SLC12A8: variants seen among roughly 807,000 people sequenced by gnomAD.
SLC12A8 encodes the protein solute carrier family 12 member 8.
SLC12A8 carries 69 observed loss-of-function variants against 75.6 expected under a neutral mutation model. The observed-to-expected ratio is 0.91, with a 90% CI of 0.75 to 1.11. The LOEUF (loss-of-function observed/expected upper bound fraction) is 1.11, where lower values mean the gene tolerates loss of function less well. Among genes scored for constraint, SLC12A8 ranks in the 50% most tolerant of loss-of-function variants. The pLI is 0.00. For synonymous variants in SLC12A8, 365 were observed against 372.8 expected (o/e 0.98, Z 0.24); for missense variants, 877 against 896.7 (o/e 0.98, Z 0.28).
intron 5 of SLC12A8, among the ~76,000 whole-genome samples, chr3:125,166,647 C>T (rs1160097564): frequency 6.6e-6 from 1 of 152,218 alleles, no homozygotes; most frequent in Non-Finnish European, 1.5e-5. Flanking sequence ...GTGCAAACCC[C>T]TCTCACACCA....
chr3:125,107,010 T>C (rs1939043606), intron 10 of SLC12A8, among the ~76,000 whole-genome samples: 1 of 152,246 alleles, frequency 6.6e-6, no homozygotes, highest in African/African-American at 2.4e-5. Flanking sequence ...TGTGTATCTC[T>C]GTGTTTATAG....
chr3:125,124,329 T>C (rs1933142195), intron 6 of SLC12A8, among the ~76,000 whole-genome samples: 1 of 152,224 alleles, frequency 6.6e-6, no homozygotes, highest in South Asian at 2.1e-4. Flanking sequence ...TGTTTGTTTG[T>C]TTGGATTTTT....
At chr3:125,187,118 C>G (rs1353605030) in intron 4 of SLC12A8, 119 bp downstream of exon 4, 3 of 970,518 alleles carry the variant, frequency 3.1e-6, no homozygotes, top group Non-Finnish European at 4.7e-6. Context: ...CCAACCTGCT[C>G]GTCTGTCACA....
intron 2 of SLC12A8, among the ~76,000 whole-genome samples, chr3:125,200,978 C>A (rs995685836): frequency 2.6e-5 from 4 of 152,142 alleles, no homozygotes; most frequent in Admixed American, 2.6e-4. Context: ...TGTGATTTAC[C>A]GGATATCTGC....
At chr3:125,110,617 T>C in intron 8 of SLC12A8, 1 of 253,188 alleles carries the variant, frequency 3.9e-6, no homozygotes, top group Non-Finnish European at 7.6e-6. Context: ...GGGCCCCTCC[T>C]CAGAGTTCCT....
chr3:125,178,178 C>A (rs1934581312), intron 4 of SLC12A8, among the ~76,000 whole-genome samples: 1 of 152,104 alleles, frequency 6.6e-6, no homozygotes, highest in Admixed American at 6.5e-5. Context: ...GTCTACATCT[C>A]AACTAAAGAA....
intron 10 of SLC12A8, among the ~76,000 whole-genome samples, chr3:125,096,362 G>A (rs1938711811): frequency 6.6e-6 from 1 of 152,012 alleles, no homozygotes; most frequent in South Asian, 2.1e-4. Flanking sequence ...ATCACAGTAT[G>A]GTATTTGCTT....
intron 4 of SLC12A8, among the ~76,000 whole-genome samples, chr3:125,181,068 T>C (rs1318542696): frequency 1.3e-5 from 2 of 152,158 alleles, no homozygotes; most frequent in Non-Finnish European, 2.9e-5. Context: ...AATTATGACT[T>C]CTGAGGGTAG....
Position 125,194,953 on chromosome 3 carries a change from T to G in SLC12A8, c.52-4432A>C, listed in dbSNP as rs914696045. ...CTGCCTCTGAACCGGCCCCATGTGC[T>G]GGACCACAGGGGTTGAGAGCTGGGC... is the stretch of plus-strand genomic sequence containing the variant. On this transcript the variant is annotated intron_variant, in intron 2 of 13. Coordinates refer to ENST00000469902, the MANE Select transcript of SLC12A8 (RefSeq NM_024628.6). 2.3e-4 allele frequency among the ~76,000 whole-genome samples: 35 copies of G among 152,248 alleles called. 1 individual carries two copies. Among genetic ancestry groups the G allele is most frequent in the Non-Finnish European group, 3.7e-4 (25 of 68,044 alleles).
chr3:125,093,371 T>C (rs1624326), intron 10 of SLC12A8, among the ~76,000 whole-genome samples: 75,891 of 151,908 alleles, frequency 0.5, 19,675 homozygotes, highest in South Asian at 0.71. Flanking sequence ...CTTGACTGTG[T>C]CATCTCCTCT....
intron 13 of SLC12A8, among the ~76,000 whole-genome samples, chr3:125,085,561 C>G (rs1010630299): frequency 6.6e-6 from 1 of 152,126 alleles, no homozygotes; most frequent in Non-Finnish European, 1.5e-5. Flanking sequence ...AGCTACCAAT[C>G]TCTATTTTTA....
intron 8 of SLC12A8, among the ~76,000 whole-genome samples, chr3:125,114,674 G>A (rs1049554217): frequency 1.1e-4 from 17 of 151,978 alleles, no homozygotes; most frequent in African/African-American, 2.7e-4. Context: ...TGATCTGCCC[G>A]CCACGCCCTC....
intron 4 of SLC12A8, among the ~76,000 whole-genome samples, chr3:125,186,589 T>C (rs1166962242): frequency 6.6e-6 from 1 of 152,260 alleles, no homozygotes; most frequent in Non-Finnish European, 1.5e-5. Flanking sequence ...TCTTAATGTC[T>C]GTACTTTGTT....
Position 125,129,492 on chromosome 3 carries a change from C to T in SLC12A8, c.736+6177G>A, listed in dbSNP as rs1285731748. ...GTGCAGTGAGGGGGCAGGGGGACAGCTTCCTAAATCCAGAGGAGCACCAGA... is the reference window on the plus strand; with the variant it reads ...GTGCAGTGAGGGGGCAGGGGGACAGTTTCCTAAATCCAGAGGAGCACCAGA... On this transcript the variant is annotated intron_variant, in intron 6 of 13. Transcript: ENST00000469902. 2.0e-5 allele frequency among the ~76,000 whole-genome samples: 3 copies of T among 147,042 alleles called. No homozygotes were observed. In the East Asian group the frequency reaches 5.8e-4, roughly 28 times the overall value.
intron 5 of SLC12A8, among the ~76,000 whole-genome samples, chr3:125,169,989 G>T (rs1008625271): frequency 7.2e-6 from 1 of 138,802 alleles, no homozygotes; most frequent in South Asian, 2.5e-4. Flanking sequence ...AGCAAAAACA[G>T]GGAAAGATTA....
rs2107751465 is a variant in SLC12A8 at position 125,121,383 on chromosome 3, C to T, written c.737-697G>A. ...CAACAAGACAGGGTGTTCTGAACATCGGATGAGGATCCAGCCCACAAGTGC... is the reference window on the plus strand; with the variant it reads ...CAACAAGACAGGGTGTTCTGAACATTGGATGAGGATCCAGCCCACAAGTGC... On this transcript the variant is annotated intron_variant, in intron 6 of 13. Coordinates refer to ENST00000469902, the MANE Select transcript of SLC12A8 (RefSeq NM_024628.6). Among the ~76,000 whole-genome samples the T allele has an allele frequency of 1.3e-5, 2 of 152,290 alleles. 1 individual carries two copies. Among genetic ancestry groups the T allele is most frequent in the South Asian group, 4.1e-4 (2 of 4,822 alleles).
intron 6 of SLC12A8, among the ~76,000 whole-genome samples, 161 bp downstream of exon 6, chr3:125,135,508 C>T (rs1933464853): frequency 6.6e-6 from 1 of 152,104 alleles, no homozygotes; most frequent in South Asian, 2.1e-4. Context: ...AAAATACATA[C>T]ATAAACAGAT....
chr3:125,204,182 AT>A (rs1935182868), intron 2 of SLC12A8, among the ~76,000 whole-genome samples: 1 of 152,190 alleles, frequency 6.6e-6, no homozygotes, highest in African/African-American at 2.4e-5. Context: ...ATGGAAGCTC[AT>A]TAAAAATTAA....
intron 8 of SLC12A8, among the ~76,000 whole-genome samples, chr3:125,117,320 C>T (rs185830409): frequency 5.4e-4 from 82 of 151,986 alleles, no homozygotes; most frequent in African/African-American, 1.9e-3. Context: ...AATATAGGGG[C>T]TCATGCCTGT....
Sources: allele counts gnomAD v4.1 joint callset (sites outside exome capture counted in the v4.1 genomes callset), GRCh38; gene constraint gnomAD v4.1.1; transcripts MANE v1.5; gene names NCBI Gene and HGNC (gene_info 2026-07-23, HGNC 2026-07-21).